NSD1: variants seen among roughly 807,000 people sequenced by gnomAD.
The protein encoded by NSD1 is nuclear receptor binding SET domain protein 1.
NSD1 carries 26 observed loss-of-function variants against 242.7 expected under a neutral mutation model. The ratio of observed to expected loss-of-function variants is 0.11; its 90% CI spans 0.08 to 0.15. The LOEUF (loss-of-function observed/expected upper bound fraction) is 0.15. Ranked by LOEUF, NSD1 falls within the 10% of genes least tolerant of loss-of-function variation. NSD1 has a pLI of 1.00. For missense variants in NSD1, 2,495 were observed against 3,272.8 expected, an observed-to-expected ratio of 0.76 and a Z score of 5.80; for synonymous variants, 1,106 against 1,178.1, an observed-to-expected ratio of 0.94 and a Z score of 1.25.
rs572460415 is a variant in NSD1, at chr5:177,136,696, C to T, written c.927+666C>T. ...GCAACCTCTGCCTCTTGGGTTCAAG[C>T]AATTCTCCTGCCTCACCCTCCCGAG... On this transcript the variant is annotated intron_variant, in intron 2 of 22. Transcript: ENST00000439151. Among the ~76,000 whole-genome samples the T allele has an allele frequency of 3.3e-5, 5 of 151,702 alleles. No individual in the cohort carries two copies. In the South Asian group the frequency reaches 1.0e-3, roughly 32 times the overall value.
chr5:177,137,570 A>G (rs954878861), intron 2 of NSD1, among the ~76,000 whole-genome samples: 9 of 152,144 alleles, frequency 5.9e-5, no homozygotes, highest in Admixed American at 4.6e-4. Flanking sequence ...TGTCCTACAC[A>G]TTAGGGTGGG....
chr5:177,151,558 T>C (rs1268632211), intron 2 of NSD1, among the ~76,000 whole-genome samples: 1 of 151,586 alleles, frequency 6.6e-6, no homozygotes, highest in Admixed American at 6.6e-5. Flanking sequence ...CCGGCTAATT[T>C]TTGTATTTTT....
At chr5:177,181,427 G>T (rs202177679) in intron 2 of NSD1, among the ~76,000 whole-genome samples, 15,495 of 117,232 alleles carry the variant, frequency 0.13, 1,428 homozygotes, top group East Asian at 0.5. Flanking sequence ...TTTTTTTTTG[G>T]TTTTTTTTTT....
intron 5 of NSD1, among the ~76,000 whole-genome samples, chr5:177,233,008 A>G (rs1765173721): frequency 6.6e-6 from 1 of 152,222 alleles, no homozygotes; most frequent in African/African-American, 2.4e-5. Flanking sequence ...AGGCATGTGT[A>G]AGTGTAAACT....
Position 177,232,918 on chromosome 5 carries a change from A to G in NSD1, c.3797-2903A>G, listed in dbSNP as rs139133090. Among the ~76,000 whole-genome samples, 6 of 152,328 alleles carry G rather than the reference A, an allele frequency of 3.9e-5. No homozygotes were observed. The East Asian group carries it at 1.2e-3, about 29-fold the overall frequency. On this transcript the variant is annotated intron_variant, in intron 5 of 22. Transcript: ENST00000439151. ...AGAAGAGTATGGTATTAGACTGACC[A>G]CCATGTATGATGAGACAGGCCCTAC... is the stretch of plus-strand genomic sequence containing the variant.
At chr5:177,263,577 C>T (rs995172175) in intron 14 of NSD1, among the ~76,000 whole-genome samples, 4 of 152,168 alleles carry the variant, frequency 2.6e-5, no homozygotes, top group Admixed American at 2.6e-4. Flanking sequence ...ATATCTTGTC[C>T]ATGAAGTCAA....
intron 5 of NSD1, among the ~76,000 whole-genome samples, chr5:177,215,121 A>G (rs1763668790): frequency 1.3e-5 from 2 of 151,424 alleles, no homozygotes; most frequent in Non-Finnish European, 2.9e-5. Context: ...CATCTTGACT[A>G]TTGTGAGTAA....
At chr5:177,275,799 T>A (rs1758337746) in intron 17 of NSD1, among the ~76,000 whole-genome samples, 1 of 152,156 alleles carries the variant, frequency 6.6e-6, no homozygotes, top group Admixed American at 6.5e-5. Context: ...AGTAATAATG[T>A]GTAATGATGA....
chr5:177,284,642 A>G (rs1057381769), intron 20 of NSD1, among the ~76,000 whole-genome samples: 4 of 152,152 alleles, frequency 2.6e-5, no homozygotes, highest in Admixed American at 2.0e-4. Flanking sequence ...TAATGGAACA[A>G]ATTTTCACAT....
At position 177,134,624 on chromosome 5, in the gene NSD1, G is replaced by A. The variant is rs1426629885; in HGVS notation, c.-17-463G>A. Among the ~76,000 whole-genome samples the A allele has an allele frequency of 6.6e-6, 1 of 152,192 alleles. No individual in the cohort carries two copies. Among genetic ancestry groups the A allele is most frequent in the East Asian group, 1.9e-4 (1 of 5,170 alleles). On this transcript the variant is annotated intron_variant, in intron 1 of 22. Transcript: ENST00000439151. This position sits in a 1 kb window ranked among gnomAD's most constrained non-coding sequence, Gnocchi z 4.2. ...CGGCGCTGGCTGGGCGCAGGGTGCA[G>A]CGCTATTGTGACCGCTGCGCCCTAG...
intron 14 of NSD1, among the ~76,000 whole-genome samples, chr5:177,264,232 A>C (rs1339268539): frequency 6.6e-6 from 1 of 151,860 alleles, no homozygotes. Flanking sequence ...AGATGAGGCA[A>C]TATTTTTAAT....
intron 5 of NSD1, among the ~76,000 whole-genome samples, chr5:177,231,231 G>A (rs1039707779): frequency 6.0e-5 from 9 of 150,912 alleles, no homozygotes; most frequent in African/African-American, 2.0e-4. Flanking sequence ...GACTACAGGC[G>A]CGTGCCACCA....
intron 5 of NSD1, among the ~76,000 whole-genome samples, chr5:177,222,814 CTCT>C (rs1304538662): frequency 1.3e-5 from 2 of 151,922 alleles, no homozygotes; most frequent in African/African-American, 4.8e-5. Context: ...ATATTTTCTC[CTCT>C]TATTTGGGTT....
At chr5:177,280,092 C>T (rs1213394205) in intron 17 of NSD1, among the ~76,000 whole-genome samples, 2 of 151,298 alleles carry the variant, frequency 1.3e-5, no homozygotes, top group African/African-American at 4.9e-5. Context: ...TCACTGCAAG[C>T]TCAGCCTCCC....
chr5:177,216,150 A>G (rs12187932), intron 5 of NSD1, among the ~76,000 whole-genome samples: 71,297 of 152,088 alleles, frequency 0.47, 18,055 homozygotes, highest in Admixed American at 0.57. Context: ...GACATGAGCT[A>G]CTGTGCATAT....
intron 2 of NSD1, among the ~76,000 whole-genome samples, chr5:177,179,866 G>A (rs921154458): frequency 2.6e-5 from 4 of 151,976 alleles, no homozygotes; most frequent in African/African-American, 9.7e-5. Context: ...TAAGAAAATT[G>A]TTACTTCTAT....
intron 2 of NSD1, among the ~76,000 whole-genome samples, chr5:177,189,041 TCA>T (rs1491383743): frequency 1.3e-5 from 2 of 151,950 alleles, no homozygotes; most frequent in Non-Finnish European, 2.9e-5. Context: ...AGAACCTGTC[TCA>T]AAAAAAACAC....
rs1277566959 is a variant in NSD1, at chr5:177,296,574, C to T, written c.*1115C>T. The T allele has an allele frequency of 1.7e-5, 4 of 233,136 alleles. No individual in the cohort carries two copies. The highest frequency in any genetic ancestry group is 2.5e-5 in the Non-Finnish European group (3 of 118,056). 14.4% of individuals were successfully genotyped at this position (233,136 alleles called of 1,614,324 possible). ...CCTGAGTGGAGGGAGTCCTCTTCTT[C>T]GCCTCCCTGAGAATTGCTGTGCTCT... On this transcript the variant is annotated 3_prime_UTR_variant, in exon 23 of 23. Transcript: ENST00000439151.
intron 6 of NSD1, among the ~76,000 whole-genome samples, chr5:177,237,681 C>T (rs774493522): frequency 2.6e-5 from 4 of 151,530 alleles, no homozygotes; most frequent in Non-Finnish European, 5.9e-5. Flanking sequence ...TACAGGTGCC[C>T]GCCACCACAC....
Sources: allele counts gnomAD v4.1 joint callset (sites outside exome capture counted in the v4.1 genomes callset), GRCh38; gene constraint gnomAD v4.1.1; non-coding constraint Gnocchi (gnomAD v3.1); transcripts MANE v1.5; gene names NCBI Gene and HGNC (gene_info 2026-07-23, HGNC 2026-07-21).